The following EEF1AKMT1 variants were observed in gnomAD, a reference collection of about 807,000 sequenced individuals.
The protein encoded by EEF1AKMT1 is N-6 adenine-specific DNA methyltransferase 2 (putative).
A neutral mutation model predicts 21.0 loss-of-function variants in EEF1AKMT1; 18 were observed. The observed-to-expected ratio is 0.86, with a 90% CI of 0.59 to 1.27. EEF1AKMT1 has a LOEUF of 1.27. EEF1AKMT1 is among the 50% of genes most tolerant of loss of function. The pLI is 0.00. For synonymous variants in EEF1AKMT1, 109 were observed against 94.8 expected (o/e 1.15, Z -0.87); for missense variants, 246 against 258.6 (o/e 0.95, Z 0.33).
intron 1 of EEF1AKMT1, among the ~76,000 whole-genome samples, chr13:20,758,465 T>G (rs934937356): frequency 3.9e-5 from 6 of 152,152 alleles, no homozygotes; most frequent in Non-Finnish European, 5.9e-5. Flanking sequence ...TAAAGCCAAT[T>G]TCTTCTGAAT....
chr13:20,728,973 C>T lies in EEF1AKMT1; in HGVS notation c.*107G>A. The T allele has an allele frequency of 1.4e-6, 2 of 1,437,878 alleles. No homozygotes were observed. Among genetic ancestry groups the T allele is most frequent in the Non-Finnish European group, 1.9e-6 (2 of 1,036,248 alleles). The allele number at this position is 1,437,878 out of a possible 1,614,324, so 89.1% of individuals were successfully genotyped here. ...ATTTTGAAAACCAGGCCAGGGACAG[C>T]TCCAGTTTGGGGGGAGGGGAAGAGA... On this transcript the variant is annotated 3_prime_UTR_variant, in exon 5 of 5. Transcript: ENST00000382758.
intron 2 of EEF1AKMT1, among the ~76,000 whole-genome samples, chr13:20,742,373 G>T (rs576247294): frequency 2.0e-5 from 3 of 151,954 alleles, no homozygotes; most frequent in Non-Finnish European, 4.4e-5. Context: ...AAAATGACAG[G>T]TGTCAAATAG....
At chr13:20,743,253 G>C (rs2058882639) in intron 2 of EEF1AKMT1, among the ~76,000 whole-genome samples, 1 of 151,978 alleles carries the variant, frequency 6.6e-6, no homozygotes, top group Non-Finnish European at 1.5e-5. Context: ...TTTTAGTAGA[G>C]AGGAGGTTTC....
chr13:20,731,418 A>T (rs2058794955), intron 4 of EEF1AKMT1, among the ~76,000 whole-genome samples: 1 of 152,240 alleles, frequency 6.6e-6, no homozygotes, highest in Non-Finnish European at 1.5e-5. Flanking sequence ...AGAGAAAAAA[A>T]GTATAACGAT....
At chr13:20,751,448 G>C (rs953293432) in intron 2 of EEF1AKMT1, among the ~76,000 whole-genome samples, 10 of 151,960 alleles carry the variant, frequency 6.6e-5, no homozygotes, top group African/African-American at 2.4e-4. Flanking sequence ...TGGCACCTTT[G>C]TCAAAAATCA....
chr13:20,735,008 G>T (rs1264300348), intron 3 of EEF1AKMT1, among the ~76,000 whole-genome samples: 1 of 152,162 alleles, frequency 6.6e-6, no homozygotes, highest in African/African-American at 2.4e-5. Context: ...ATTTCATGTT[G>T]TCTTATTTAG....
intron 2 of EEF1AKMT1, among the ~76,000 whole-genome samples, chr13:20,748,693 T>C (rs1293190940): frequency 6.6e-6 from 1 of 150,958 alleles, no homozygotes; most frequent in Admixed American, 6.6e-5. Context: ...TTGCCTTTTC[T>C]TCACCCTCCT....
chr13:20,732,257 T>C (rs1241270879), intron 3 of EEF1AKMT1, 136 bp from the exon 4 acceptor site: 2 of 898,372 alleles, frequency 2.2e-6, no homozygotes, highest in Non-Finnish European at 3.3e-6. Flanking sequence ...ACTAGTGTAA[T>C]AGTTAATGTT....
At chr13:20,765,895 G>T (rs1415805277) in intron 1 of EEF1AKMT1, among the ~76,000 whole-genome samples, 3 of 151,916 alleles carry the variant, frequency 2.0e-5, no homozygotes, top group Non-Finnish European at 4.4e-5. Flanking sequence ...CTTGTCATGA[G>T]GGAATGCAAA....
In EEF1AKMT1 at chr13:20,731,881, G is replaced by T. The variant is rs2058798573; in HGVS notation, c.468C>A (p.Thr156=). Residue 156 remains threonine (T), a synonymous_variant, in exon 4 of 5, where the codon ACC becomes ACA. Transcript: ENST00000382758. The part of the protein sequence containing the change: ...SEECLRKTSE[T]VKYLTRGKIL... ...TCTTGCCCCGCGTCAGGTACTTGAC[G>T]GTTTCCGATGTTTTTCTGAGACATT... The T allele has an allele frequency of 1.9e-6, 3 of 1,614,146 alleles. No individual in the cohort carries two copies. The highest frequency in any genetic ancestry group is 2.5e-6 in the Non-Finnish European group (3 of 1,180,020).
At position 20,757,473 on chromosome 13, in the gene EEF1AKMT1, T is replaced by C; in HGVS notation, c.126A>G (p.Gly42=). ...EPGEDDKYNI[G]IIEENWQLSQ... is the part of the protein sequence containing the mutation. Reference sequence around the variant, plus strand: ...TACTTACCCAATTCTCTTCTATTATTCCAATGTTATATTTATCATCCTCGC... The same window carrying C: ...TACTTACCCAATTCTCTTCTATTATCCCAATGTTATATTTATCATCCTCGC... Residue 42 remains glycine (G), a synonymous_variant, in exon 2 of 5, where the codon GGA becomes GGG. Transcript: ENST00000382758. 2.5e-6 allele frequency: 4 copies of C among 1,614,130 alleles called. No individual in the cohort carries two copies. Among genetic ancestry groups the C allele is most frequent in the South Asian group, 1.1e-5 (1 of 91,066 alleles).
intron 4 of EEF1AKMT1, among the ~76,000 whole-genome samples, chr13:20,730,832 A>C (rs1056052236): frequency 6.6e-6 from 1 of 152,208 alleles, no homozygotes; most frequent in African/African-American, 2.4e-5. Flanking sequence ...CCCCGCAGCC[A>C]GCAGTGCAAC....
At chr13:20,772,671 C>T (rs1369507002) in intron 1 of EEF1AKMT1, among the ~76,000 whole-genome samples, 1 of 152,032 alleles carries the variant, frequency 6.6e-6, no homozygotes, top group African/African-American at 2.4e-5. Flanking sequence ...AGCTTCAACT[C>T]GGCCTCAGGA....
At chr13:20,733,094 C>CT (rs56061412) in intron 3 of EEF1AKMT1, among the ~76,000 whole-genome samples, 48,621 of 126,416 alleles carry the variant, frequency 0.38, 10,942 homozygotes, top group Non-Finnish European at 0.49. Flanking sequence ...CTGTGATACA[C>CT]TTTTTTTTTT....
intron 2 of EEF1AKMT1, among the ~76,000 whole-genome samples, chr13:20,749,975 T>TAATAAAGGAAAGC (rs2058931855): frequency 6.6e-6 from 1 of 152,214 alleles, no homozygotes; most frequent in Non-Finnish European, 1.5e-5. Flanking sequence ...TCTAATATTC[T>TAATAAAGGAAAGC]TTAAAGCTTT....
intron 2 of EEF1AKMT1, among the ~76,000 whole-genome samples, chr13:20,738,358 G>C (rs781300536): frequency 6.6e-6 from 1 of 152,178 alleles, no homozygotes; most frequent in Non-Finnish European, 1.5e-5. Flanking sequence ...GCTTCATGCT[G>C]ATTGGTGATT....
intron 2 of EEF1AKMT1, among the ~76,000 whole-genome samples, chr13:20,739,972 C>T (rs2058860008): frequency 6.6e-6 from 1 of 152,238 alleles, no homozygotes; most frequent in African/African-American, 2.4e-5. Flanking sequence ...CTGGGCCCCG[C>T]AGAGAAGGGG....
At chr13:20,765,529 C>CA (rs2059026019) in intron 1 of EEF1AKMT1, among the ~76,000 whole-genome samples, 1 of 149,808 alleles carries the variant, frequency 6.7e-6, no homozygotes, top group South Asian at 2.2e-4. Context: ...TCCCCTGCCT[C>CA]AGCCTCCCCA....
chr13:20,770,189 C>T (rs750349548), intron 1 of EEF1AKMT1, among the ~76,000 whole-genome samples: 6 of 151,380 alleles, frequency 4.0e-5, no homozygotes, highest in South Asian at 2.1e-4. Context: ...CATTATGCTA[C>T]GTGAAATAAG....
Sources: allele counts gnomAD v4.1 joint callset (sites outside exome capture counted in the v4.1 genomes callset), GRCh38; gene constraint gnomAD v4.1.1; transcripts MANE v1.5; gene names NCBI Gene and HGNC (gene_info 2026-07-23, HGNC 2026-07-21).